Variants in HEXD observed in about 807,000 individuals in gnomAD.
The protein encoded by HEXD is N-acetyl-beta-galactosaminidase.
HEXD carries 47 observed loss-of-function variants against 54.2 expected under a neutral mutation model. The ratio of observed to expected loss-of-function variants is 0.87; its 90% CI spans 0.69 to 1.11. The LOEUF is 1.11. HEXD is among the 50% of genes least tolerant of loss of function. The probability of loss-of-function intolerance (pLI) is 0.00; values close to 1 mark genes in which losing one functional copy is unlikely to be tolerated. For synonymous variants in HEXD, 293 were observed against 287.6 expected (o/e 1.02, Z -0.19); for missense variants, 576 against 649.2 (o/e 0.89, Z 1.23).
chr17:82,428,705 G>A (rs2053492198), intron 4 of HEXD, 60 bp downstream of exon 4: 5 of 1,475,146 alleles, frequency 3.4e-6, no homozygotes, highest in Non-Finnish European at 4.7e-6. Flanking sequence ...GCTGCAGGCT[G>A]GGCCAGGCTT....
At chr17:82,428,418 C>A (rs2053481661) in intron 3 of HEXD, 140 bp from the exon 4 acceptor site, 4 of 624,358 alleles carry the variant, frequency 6.4e-6, no homozygotes, top group African/African-American at 1.8e-5. Context: ...AATCAGGATA[C>A]CTGTCAAGCT....
intron 2 of HEXD, 142 bp from the exon 3 acceptor site, chr17:82,424,252 G>C: frequency 1.5e-6 from 1 of 665,088 alleles, no homozygotes; most frequent in South Asian, 1.7e-5. Flanking sequence ...ACACATTCCG[G>C]ATTTAAGGTT....
chr17:82,433,531 C>A, intron 4 of HEXD, 127 bp from the exon 5 acceptor site: 1 of 887,696 alleles, frequency 1.1e-6, no homozygotes, highest in Non-Finnish European at 1.6e-6. Context: ...GATTACAGGA[C>A]TGAGACTCTC....
At chr17:82,431,899 T>C (rs1488242090) in intron 4 of HEXD, among the ~76,000 whole-genome samples, 1 of 152,260 alleles carries the variant, frequency 6.6e-6, no homozygotes, top group East Asian at 1.9e-4. Flanking sequence ...GCTGAATGTT[T>C]ACTCTTTTCC....
chr17:82,438,800 C>T lies in HEXD; in HGVS notation c.900-831C>T, dbSNP rs188984035. ...GCAGCTCACAGCCACCATGCATGTC[C>T]GGAGCTGGCAGCGGCTCTGCAGAAG... On this transcript the variant is annotated intron_variant, in intron 8 of 12. Coordinates refer to ENST00000327949, the MANE Select transcript of HEXD (RefSeq NM_001330542.2). Among the ~76,000 whole-genome samples the T allele has an allele frequency of 4.1e-3, 632 of 152,362 alleles. 3 individuals are homozygous for T. Among genetic ancestry groups the T allele is most frequent in the African/African-American group, 0.015 (605 of 41,584 alleles).
intron 3 of HEXD, among the ~76,000 whole-genome samples, chr17:82,425,128 AGAGAAGGCTG>A (rs71168107): frequency 3.2e-4 from 39 of 123,410 alleles, no homozygotes; most frequent in South Asian, 1.6e-3. Context: ...GGAGGAGGCC[AGAGAAGGCTG>A]GAGAAGGCTG....
rs969610190 is a variant in HEXD at position 82,442,414 on chromosome 17, T to G, written c.*30T>G. ...AGAGCTCATGCCAGGGGGCTCCTGC[T>G]GGAGGCTGGGGGGGCTCTGCACTGC... is the stretch of plus-strand genomic sequence containing the variant. On this transcript the variant is annotated 3_prime_UTR_variant, in exon 13 of 13. Transcript: ENST00000327949. This position sits in a 1 kb window ranked among gnomAD's most constrained non-coding sequence, Gnocchi z 6.8. 2.5e-6 allele frequency: 4 copies of G among 1,609,650 alleles called. No homozygotes were observed. The highest frequency in any genetic ancestry group is 1.7e-6 in the Non-Finnish European group (2 of 1,177,340).
intron 8 of HEXD, 54 bp downstream of exon 8, chr17:82,437,417 C>G: frequency 1.4e-6 from 2 of 1,449,764 alleles, no homozygotes; most frequent in Non-Finnish European, 9.2e-7. Context: ...TGGTGGCCAC[C>G]ACGTCGGCCT....
intron 7 of HEXD, 195 bp from the exon 8 acceptor site, chr17:82,436,973 C>T: frequency 1.5e-6 from 1 of 647,718 alleles, no homozygotes. Context: ...GAACCAGGGG[C>T]CACGTACACT....
intron 5 of HEXD, 140 bp downstream of exon 5, chr17:82,433,962 C>G: frequency 1.3e-6 from 1 of 786,258 alleles, no homozygotes; most frequent in South Asian, 2.0e-5. Context: ...AACATCTTCT[C>G]CGAGTGGATG....
chr17:82,435,651 G>T (rs200036452), intron 5 of HEXD, 38 bp from the exon 6 acceptor site: 3 of 1,583,626 alleles, frequency 1.9e-6, no homozygotes, highest in East Asian at 4.5e-5. Flanking sequence ...CGGTGTGCAC[G>T]GCTGCCAAGG....
chr17:82,442,307 C>T lies in HEXD; in HGVS notation c.1384C>T (p.Leu462=), dbSNP rs768611569. The change falls in exon 13 of 13, where the codon CTG becomes TTG. Residue 462 remains leucine, a synonymous_variant. Coordinates refer to ENST00000327949, the MANE Select transcript of HEXD (RefSeq NM_001330542.2). The surrounding 1 kb of genome is among the most constrained non-coding windows in gnomAD (Gnocchi z 6.8). ...HPSLQRLQAL[L]QDLSEVSAPP... ...CAGCCTGCAGCGGCTGCAAGCTCTG[C>T]TGCAGGACCTCAGCGAGGTGTCTGC... 9 of 1,609,722 alleles carry T rather than the reference C, an allele frequency of 5.6e-6. No individual in the cohort carries two copies. In the South Asian group the frequency reaches 9.9e-5, roughly 18 times the overall value.
rs1297834956 is a variant in HEXD at position 82,431,678 on chromosome 17, A to G, written c.283-1980A>G. On this transcript the variant is annotated intron_variant, in intron 4 of 12. Transcript: ENST00000327949. ...GTGATCTGCCCGCTTCGGCCTCCCA[A>G]AGTGCTGGGACTACAGGCATGAGCC... Among the ~76,000 whole-genome samples the G allele has an allele frequency of 2.0e-5, 3 of 151,792 alleles. No homozygotes were observed. The East Asian group carries it at 5.8e-4, about 29-fold the overall frequency.
Position 82,425,162 on chromosome 17 carries a change from A to G in HEXD, c.194+659A>G, listed in dbSNP as rs12939707. Among the ~76,000 whole-genome samples, 337 of 100,614 alleles carry G rather than the reference A, an allele frequency of 3.3e-3. 1 individual carries two copies. Among genetic ancestry groups the G allele is most frequent in the East Asian group, 0.011 (21 of 1,986 alleles). The allele number at this position is 100,614 out of a possible 152,430, so 66.0% of individuals were successfully genotyped here. A position where few individuals can be genotyped will look rare whatever the true frequency, so the allele number is the denominator to read the frequency against. The stretch of plus-strand genomic sequence containing the variant: ...TGGAGAAGGCTGGAGGAGGCTAGAG[A>G]AGGCTGGAGGAGGCTGGAGGAGGCC... On this transcript the variant is annotated intron_variant, in intron 3 of 12. Coordinates refer to ENST00000327949, the MANE Select transcript of HEXD (RefSeq NM_001330542.2).
chr17:82,441,068 CCT>C lies in HEXD; in HGVS notation c.1055_1056del (p.Pro352ArgfsTer2), dbSNP rs764828148. The C allele has an allele frequency of 1.1e-5, 18 of 1,613,478 alleles. No individual in the cohort carries two copies. Among genetic ancestry groups the C allele is most frequent in the Admixed American group, 3.3e-5 (2 of 60,004 alleles). Reference protein sequence around the residue: ...LGISSLEKTDPVREGAGSFPG... With the variant: ...LGISSLEKTDXVREGAGSFPG... Reference sequence around the variant, plus strand: ...GATTTCCAGCCTGGAAAAAACGGACCCTGTTAGGCAAGCACCCTGCAGCCCTC... The same window carrying C: ...GATTTCCAGCCTGGAAAAAACGGACCGTTAGGCAAGCACCCTGCAGCCCTC... On this transcript the variant is annotated frameshift_variant, in exon 10 of 13. Transcript: ENST00000327949. LOFTEE classifies it high-confidence loss of function.
chr17:82,435,745 C>T lies in HEXD; in HGVS notation c.504C>T (p.Asn168=). ...ASRRWLQQEQ[N]STGKLCLSHM... is the part of the protein sequence containing the mutation. The stretch of plus-strand genomic sequence containing the variant: ...GCCGGTGGCTACAGCAAGAGCAGAA[C>T]AGCACGGGGAAGTTGTGCCTGTCAC... The change falls in exon 6 of 13, where the codon AAC becomes AAT. Residue 168 remains asparagine, a synonymous_variant. Transcript: ENST00000327949. 6.2e-7 allele frequency: 1 copy of T among 1,613,040 alleles called. No individual in the cohort carries two copies. The highest frequency in any genetic ancestry group is 2.2e-5 in the East Asian group (1 of 44,884).
intron 4 of HEXD, among the ~76,000 whole-genome samples, chr17:82,431,740 C>A (rs1464796555): frequency 1.3e-5 from 2 of 152,098 alleles, no homozygotes; most frequent in African/African-American, 4.8e-5. Flanking sequence ...ACAATATATT[C>A]ATAGTAGTTT....
At chr17:82,439,985 C>T (rs892880154) in intron 9 of HEXD, 29 of 1,447,494 alleles carry the variant, frequency 2.0e-5, no homozygotes, top group Admixed American at 1.7e-4. Flanking sequence ...CAGAAATGCA[C>T]GCAGGTCGGA....
intron 4 of HEXD, among the ~76,000 whole-genome samples, chr17:82,433,155 T>A (rs865831211): frequency 2.7e-5 from 3 of 112,878 alleles, no homozygotes; most frequent in African/African-American, 1.1e-4. Context: ...ATATATATAT[T>A]TTTAGTCTGG....
Sources: allele counts gnomAD v4.1 joint callset (sites outside exome capture counted in the v4.1 genomes callset), GRCh38; gene constraint gnomAD v4.1.1; non-coding constraint Gnocchi (gnomAD v3.1); transcripts MANE v1.5; gene names NCBI Gene and HGNC (gene_info 2026-07-23, HGNC 2026-07-21).